The following AIFM3 variants were observed in gnomAD, a reference collection of about 807,000 sequenced individuals.
AIFM3 encodes AIF family member 3, also known as apoptosis-inducing factor 3.
Under a neutral mutation model 82.7 loss-of-function variants are expected in AIFM3, and 71 were observed. The observed-to-expected ratio is 0.86, with a 90% CI of 0.71 to 1.05. AIFM3 has a LOEUF of 1.05. Ranked by LOEUF, AIFM3 falls within the 50% of genes least tolerant of loss-of-function variation. The pLI, the probability that AIFM3 is intolerant of heterozygous loss-of-function variation, is 0.00. For synonymous variants in AIFM3, 337 were observed against 329.1 expected (o/e 1.02, Z -0.26); for missense variants, 748 against 816.7 (o/e 0.92, Z 1.03).
At position 20,975,611 on chromosome 22, in the gene AIFM3, A is replaced by G. The variant is rs890141212; in HGVS notation, c.721-81A>G. 10 of 1,399,218 alleles carry G rather than the reference A, an allele frequency of 7.1e-6. No individual in the cohort carries two copies. In the African/African-American group the frequency reaches 1.4e-4, roughly 20 times the overall value. 86.7% of individuals were successfully genotyped at this position (1,399,218 alleles called of 1,614,324 possible). On this transcript the variant is annotated intron_variant, in intron 8 of 20. Transcript: ENST00000440238. ...AGTTCTGTCCTGCAGCCCCTATGTG[A>G]CTGGGGCTGGCCCCACCTTCCCTGG... is the stretch of plus-strand genomic sequence containing the variant.
rs776614501 is a variant in AIFM3 at position 20,973,445 on chromosome 22, C to G, written c.170C>G (p.Thr57Ser). ...TTCCACACGGAGGAGCGCCTGTCCA[C>G]CCCTCACCCCTACCCCAGCCCTCAG... ...RHFHTEERLS[T>S]PHPYPSPQDC... The change falls in exon 3 of 21, where the codon ACC (threonine) becomes AGC (serine). Residue 57 changes from threonine (T) to serine (S), a missense_variant. Transcript: ENST00000440238. 2 of 1,613,188 alleles carry G rather than the reference C, an allele frequency of 1.2e-6. No individual in the cohort carries two copies. Among genetic ancestry groups the G allele is most frequent in the Non-Finnish European group, 1.7e-6 (2 of 1,179,990 alleles).
In AIFM3 at chr22:20,976,411, C is replaced by G. The variant is rs1923665801; in HGVS notation, c.903C>G (p.Pro301=). 7.4e-6 allele frequency: 12 copies of G among 1,613,822 alleles called. No individual in the cohort carries two copies. The highest frequency in any genetic ancestry group is 1.0e-5 in the Non-Finnish European group (12 of 1,180,028). ...SKLLLAPGSS[P]KTLSCKGKEV... The stretch of plus-strand genomic sequence containing the variant: ...CACTGACACGGCCATGTCTCAGCCC[C>G]AAGACTCTGAGCTGCAAAGGCAAAG... Residue 301 remains proline, a synonymous_variant, in exon 11 of 21, where the codon CCC becomes CCG. Coordinates refer to ENST00000440238, the MANE Select transcript of AIFM3 (RefSeq NM_001386814.1).
chr22:20,969,746 C>A (rs1391599750), intron 2 of AIFM3, among the ~76,000 whole-genome samples: 1 of 152,170 alleles, frequency 6.6e-6, no homozygotes, highest in Non-Finnish European at 1.5e-5. Flanking sequence ...CAGGCCTCCC[C>A]TGTGGGGCTG....
intron 17 of AIFM3, 53 bp downstream of exon 17, chr22:20,979,422 C>T: frequency 1.1e-5 from 6 of 559,326 alleles, no homozygotes; most frequent in Admixed American, 3.9e-5. Context: ...AGGGGCGGGG[C>T]TTGGGTGTGG....
Position 20,977,809 on chromosome 22 carries a change from G to C in AIFM3, c.1359+33G>C, listed in dbSNP as rs374962315. Reference sequence around the variant, plus strand: ...GGATGGCACTGGGTGGGGAGGACCCGGTGCTGGGCTGGGAGTGGCAGGAGG... The same window carrying C: ...GGATGGCACTGGGTGGGGAGGACCCCGTGCTGGGCTGGGAGTGGCAGGAGG... On this transcript the variant is annotated intron_variant, in intron 15 of 20. Transcript: ENST00000440238. 1.5e-5 allele frequency: 24 copies of C among 1,613,706 alleles called. No homozygotes were observed. In the African/African-American group the frequency reaches 2.7e-4, roughly 18 times the overall value.
chr22:20,981,223 G>C lies in AIFM3; in HGVS notation c.*192G>C, dbSNP rs1464730105. On this transcript the variant is annotated 3_prime_UTR_variant, in exon 21 of 21. Coordinates refer to ENST00000440238, the MANE Select transcript of AIFM3 (RefSeq NM_001386814.1). ...ATCCAGAAGATGCTCAACCCTCAAG[G>C]CCTCTGCTGCCACTGACAGCTGGCA... The C allele has an allele frequency of 1.5e-6, 1 of 682,844 alleles. No homozygotes were observed. Among genetic ancestry groups the C allele is most frequent in the African/African-American group, 1.8e-5 (1 of 55,752 alleles). The allele number at this position is 682,844 out of a possible 1,614,324, so 42.3% of individuals were successfully genotyped here.
rs1393649338 is a variant in AIFM3, at chr22:20,976,553, G to C, written c.1030+15G>C. ...CGGCTTCCTGGGTGAGAGGTAGTGG[G>C]CAGTGGAGATGGTGGTCAGGTCGTC... On this transcript the variant is annotated intron_variant, in intron 11 of 20. Coordinates refer to ENST00000440238, the MANE Select transcript of AIFM3 (RefSeq NM_001386814.1). 1 of 1,612,894 alleles carries C rather than the reference G, an allele frequency of 6.2e-7. No homozygotes were observed. The highest frequency in any genetic ancestry group is 1.3e-5 in the African/African-American group (1 of 74,944).
At chr22:20,979,395 CG>C in intron 17 of AIFM3, 26 bp downstream of exon 17, 1 of 472,670 alleles carries the variant, frequency 2.1e-6, no homozygotes, top group Non-Finnish European at 2.9e-6. Context: ...CGGATGGGGG[CG>C]GGGCCGAGGG....
At chr22:20,965,177 G>T (rs1569143958), upstream of AIFM3, 1 of 147,490 alleles carries the variant, frequency 6.8e-6, no homozygotes, top group African/African-American at 2.5e-5. Flanking sequence ...GCCCCAAGCG[G>T]TTCCCGAGCC....
intron 17 of AIFM3, 30 bp from the exon 18 acceptor site, chr22:20,979,597 G>A: frequency 6.2e-7 from 1 of 1,613,624 alleles, no homozygotes. Context: ...CCCGGCTCAC[G>A]TGGGTGCCAC....
upstream of AIFM3, among the ~76,000 whole-genome samples, chr22:20,965,721 G>C (rs1922839656): frequency 6.6e-6 from 1 of 152,170 alleles, no homozygotes; most frequent in Non-Finnish European, 1.5e-5. Context: ...AGTGGGGGCA[G>C]GTGGCGAGAG....
intron 14 of AIFM3, chr22:20,977,358 G>A (rs1923756617): frequency 1.1e-5 from 7 of 609,060 alleles, no homozygotes; most frequent in South Asian, 2.0e-5. Context: ...TGACATAGAC[G>A]AGACTCGAAC....
At position 20,977,041 on chromosome 22, in the gene AIFM3, G is replaced by T. The variant is rs141335687; in HGVS notation, c.1228G>T (p.Val410Phe). The T allele has an allele frequency of 5.0e-6, 8 of 1,614,096 alleles. No individual in the cohort carries two copies. Among genetic ancestry groups the T allele is most frequent in the Non-Finnish European group, 6.8e-6 (8 of 1,180,034 alleles). The change falls in exon 14 of 21, where the codon GTT becomes TTT. Residue 410 changes from valine (V) to phenylalanine (F), a missense_variant. This residue lies in a region of AIFM3 where 393 missense variants were observed against 481.1 expected (regional missense o/e 0.82). Transcript: ENST00000440238. ...LRGQEGKLKEVVLKSSKVVRA... is the reference protein window; with the variant it reads ...LRGQEGKLKEFVLKSSKVVRA... Reference sequence around the variant, plus strand: ...CACCCACTCCCCACAGCTGAAGGAGGTTGTGCTGAAGAGCAGCAAGGTCGT... The same window carrying T: ...CACCCACTCCCCACAGCTGAAGGAGTTTGTGCTGAAGAGCAGCAAGGTCGT...
intron 2 of AIFM3, among the ~76,000 whole-genome samples, chr22:20,969,146 G>T (rs1729730180): frequency 6.6e-6 from 1 of 152,194 alleles, no homozygotes; most frequent in Non-Finnish European, 1.5e-5. Flanking sequence ...GGCGTCTGTG[G>T]CACCGCTGGG....
Position 20,974,302 on chromosome 22 carries a change from G to A in AIFM3, c.510+6G>A, listed in dbSNP as rs1923485136. The A allele has an allele frequency of 6.2e-7, 1 of 1,613,114 alleles. No individual in the cohort carries two copies. The highest frequency in any genetic ancestry group is 1.7e-5 in the Admixed American group (1 of 59,942). ...ACGTCCGGGCCAGCAAGCAGGTGAG[G>A]GGATAGCTCGGGGCTCAGGCAGAAG... On this transcript the variant is annotated splice_donor_region_variant and intron_variant, in intron 6 of 20. Coordinates refer to ENST00000440238, the MANE Select transcript of AIFM3 (RefSeq NM_001386814.1).
At chr22:20,980,398 C>G in intron 19 of AIFM3, 1 of 595,154 alleles carries the variant, frequency 1.7e-6, no homozygotes, top group East Asian at 2.8e-5. Context: ...AATGCATGGG[C>G]AATCACCAGG....
At chr22:20,970,232 G>A (rs1371022421) in intron 2 of AIFM3, among the ~76,000 whole-genome samples, 2 of 152,300 alleles carry the variant, frequency 1.3e-5, no homozygotes. Flanking sequence ...GTTACATACA[G>A]TATTTCCTTC....
chr22:20,977,154 A>G (rs572423441), intron 14 of AIFM3, 59 bp downstream of exon 14: 6 of 1,608,576 alleles, frequency 3.7e-6, no homozygotes, highest in African/African-American at 1.3e-5. Flanking sequence ...ACATGCTCAC[A>G]TGTGACCTTG....
chr22:20,966,283 A>T (rs1922890697), upstream of AIFM3, among the ~76,000 whole-genome samples: 1 of 151,990 alleles, frequency 6.6e-6, no homozygotes, highest in South Asian at 2.1e-4. Context: ...CCAGGAAGGG[A>T]CAGCCTAGTG....
Sources: gnomAD v4.1 joint callset for allele counts (sites outside exome capture counted in the v4.1 genomes callset) on GRCh38, gnomAD v4.1.1 for gene constraint, gnomAD v4.1.1 regional missense constraint, MANE v1.5 for transcripts, NCBI Gene and HGNC (gene_info 2026-07-23, HGNC 2026-07-21) for gene names.